MBNL3: variants seen among roughly 807,000 people sequenced by gnomAD.
MBNL3 encodes the protein muscleblind like splicing regulator 3.
A neutral mutation model predicts 24.5 loss-of-function variants in MBNL3; 6 were observed. The ratio of observed to expected loss-of-function variants is 0.25; its 90% CI spans 0.13 to 0.48. The LOEUF is 0.48. Among genes scored for constraint, MBNL3 ranks in the 20% least tolerant of loss-of-function variants. MBNL3 has a pLI of 0.99. For synonymous variants in MBNL3, 100 were observed against 101.7 expected, an observed-to-expected ratio of 0.98 and a Z score of 0.10; for missense variants, 230 against 293.5, an observed-to-expected ratio of 0.78 and a Z score of 1.58.
Position 132,382,252 on chromosome X carries a change from T to A in MBNL3, c.979A>T (p.Thr327Ser). 8.3e-7 allele frequency: 1 copy of A among 1,204,715 alleles called. No homozygotes were observed. Among genetic ancestry groups the A allele is most frequent in the Non-Finnish European group, 1.1e-6 (1 of 891,096 alleles). ...GTTGCTGCAGACACAGTGGTAGGTG[T>A]AGCACCGTGCATCATGGGCACTTTC... ...SNIVPMMHGA[T>S]PTTVSAATTP... The change falls in exon 8 of 9, where the codon ACA becomes TCA. Residue 327 changes from threonine to serine, a missense_variant. Physicochemically the swap from Thr to Ser is moderately conservative, Grantham distance 58. Coordinates refer to ENST00000370853, the MANE Select transcript of MBNL3 (RefSeq NM_001386889.1).
chrX:132,471,389 CTATAA>C (rs1214240613), intron 1 of MBNL3, among the ~76,000 whole-genome samples: 1 of 112,854 alleles, frequency 8.9e-6, no homozygotes, highest in Admixed American at 9.3e-5. Flanking sequence ...TGCTACACAT[CTATAA>C]TATAACTGGG....
In MBNL3 at chrX:132,439,576, G is replaced by A; in HGVS notation, c.36C>T (p.Thr12=). 1.7e-6 allele frequency: 2 copies of A among 1,199,234 alleles called. No individual in the cohort carries two copies. Among genetic ancestry groups the A allele is most frequent in the African/African-American group, 3.5e-5 (2 of 56,751 alleles). ...TACAGACTTCTAAAGTCAGCCACTT[G>A]GTATCACGAATCAGGGCAACATTGA... The part of the protein sequence containing the change: ...TAVNVALIRD[T]KWLTLEVCRE... The change falls in exon 2 of 9, where the codon ACC becomes ACT. Residue 12 remains threonine (T), a synonymous_variant. Transcript: ENST00000370853.
intron 1 of MBNL3, among the ~76,000 whole-genome samples, chrX:132,452,880 G>A (rs1946182349): frequency 8.9e-6 from 1 of 111,854 alleles, no homozygotes; most frequent in Non-Finnish European, 1.9e-5. Context: ...AACAAAATTT[G>A]GTAACATTAA....
chrX:132,400,180 A>G (rs1940626519), intron 3 of MBNL3, among the ~76,000 whole-genome samples: 1 of 111,563 alleles, frequency 9.0e-6, no homozygotes, highest in South Asian at 3.8e-4. Flanking sequence ...TATGTAACTA[A>G]CCTGCACATT....
chrX:132,395,150 T>A (rs1289395069), intron 3 of MBNL3, among the ~76,000 whole-genome samples: 1 of 111,488 alleles, frequency 9.0e-6, no homozygotes, highest in Non-Finnish European at 1.9e-5. Flanking sequence ...ATTTCTGTTT[T>A]CTCACCACCA....
chrX:132,473,701 C>A (rs954151020), intron 1 of MBNL3, among the ~76,000 whole-genome samples: 1 of 111,248 alleles, frequency 9.0e-6, no homozygotes, highest in African/African-American at 3.3e-5. Context: ...CAATTTAATT[C>A]TCAGAATGTG....
At chrX:132,448,989 A>G (rs892462407) in intron 1 of MBNL3, among the ~76,000 whole-genome samples, 1 of 112,191 alleles carries the variant, frequency 8.9e-6, no homozygotes, top group Non-Finnish European at 1.9e-5. Context: ...ATTTGATTGC[A>G]TTGTGGTCTG....
chrX:132,458,372 C>T (rs995857483), intron 1 of MBNL3, among the ~76,000 whole-genome samples: 5 of 107,952 alleles, frequency 4.6e-5, no homozygotes, highest in African/African-American at 1.7e-4. Flanking sequence ...ACCATATCAT[C>T]ACTAGGAACT....
chrX:132,382,487 A>G (rs957144682), intron 7 of MBNL3, among the ~76,000 whole-genome samples: 5 of 112,164 alleles, frequency 4.5e-5, no homozygotes, highest in African/African-American at 1.6e-4. Context: ...GGGAAAGCCA[A>G]TTATAGTTAC....
intron 3 of MBNL3, among the ~76,000 whole-genome samples, chrX:132,394,151 C>T (rs754216132): frequency 6.3e-5 from 7 of 111,343 alleles, no homozygotes; most frequent in Non-Finnish European, 9.4e-5. Context: ...GGAAAGGGAA[C>T]GCCAGGTGCC....
chrX:132,413,612 T>C lies in MBNL3; in HGVS notation c.178-7220A>G, dbSNP rs767945257. 65 of 1,091,086 alleles carry C rather than the reference T, an allele frequency of 6.0e-5. No individual in the cohort carries two copies. The South Asian group carries it at 1.3e-3, about 22-fold the overall frequency. The allele number at this position is 1,091,086 out of a possible 1,213,427, so 89.9% of individuals were successfully genotyped here. On this transcript the variant is annotated intron_variant, in intron 2 of 8. Transcript: ENST00000370853. ...TCAGCTGCAAGGAAATTTAAGGAAG[T>C]TGACTGTTGGAGACAGCAATTTTTG... is the stretch of plus-strand genomic sequence containing the variant.
chrX:132,402,562 G>A (rs1318722578), intron 3 of MBNL3, among the ~76,000 whole-genome samples: 1 of 111,414 alleles, frequency 9.0e-6, no homozygotes. Flanking sequence ...TTTTTGCTGG[G>A]AACATCAGGA....
chrX:132,460,294 A>G (rs1946565574), intron 1 of MBNL3, among the ~76,000 whole-genome samples: 1 of 112,185 alleles, frequency 8.9e-6, no homozygotes, highest in Non-Finnish European at 1.9e-5. Flanking sequence ...CTAGGTTCTT[A>G]CTTAAGAGAA....
At chrX:132,432,732 T>C (rs1443812999) in intron 2 of MBNL3, 1 of 111,703 alleles carries the variant, frequency 9.0e-6, no homozygotes, top group African/African-American at 3.3e-5. Context: ...TTTGTTGATG[T>C]ACTCATTAGT....
At position 132,413,619 on chromosome X, in the gene MBNL3, T is replaced by C. The variant is rs1943020941; in HGVS notation, c.178-7227A>G. The C allele has an allele frequency of 8.4e-6, 9 of 1,070,722 alleles. No homozygotes were observed. In the South Asian group the frequency reaches 2.4e-4, roughly 28 times the overall value. 88.2% of individuals were successfully genotyped at this position (1,070,722 alleles called of 1,213,427 possible). The stretch of plus-strand genomic sequence containing the variant: ...CAAGGAAATTTAAGGAAGTTGACTG[T>C]TGGAGACAGCAATTTTTGATCCATA... On this transcript the variant is annotated intron_variant, in intron 2 of 8. Coordinates refer to ENST00000370853, the MANE Select transcript of MBNL3 (RefSeq NM_001386889.1).
At chrX:132,457,430 AAAG>A (rs769682594) in intron 1 of MBNL3, among the ~76,000 whole-genome samples, 8 of 111,363 alleles carry the variant, frequency 7.2e-5, no homozygotes, top group African/African-American at 2.0e-4. Context: ...GCTAGGCAAA[AAAG>A]AAGGAGGTGA....
intron 1 of MBNL3, among the ~76,000 whole-genome samples, chrX:132,484,428 C>A (rs1212393661): frequency 8.9e-6 from 1 of 112,141 alleles, no homozygotes; most frequent in African/African-American, 3.2e-5. Flanking sequence ...CCAATAACCT[C>A]TGCTTAATGA....
chrX:132,391,992 T>TACTAA (rs1222656803), intron 4 of MBNL3, 151 bp downstream of exon 4: 1 of 416,692 alleles, frequency 2.4e-6, no homozygotes, highest in African/African-American at 2.5e-5. Context: ...TATAACAAGG[T>TACTAA]ATGATTGCAG....
At chrX:132,417,279 C>T in intron 2 of MBNL3, among the ~76,000 whole-genome samples, 1 of 111,123 alleles carries the variant, frequency 9.0e-6, no homozygotes, top group Non-Finnish European at 1.9e-5. Context: ...CAAGGCCCTC[C>T]ACAAACAATG....
Sources: gnomAD v4.1 joint callset for allele counts (sites outside exome capture counted in the v4.1 genomes callset) on GRCh38, gnomAD v4.1.1 for gene constraint, MANE v1.5 for transcripts, NCBI Gene and HGNC (gene_info 2026-07-23, HGNC 2026-07-21) for gene names.